Variants in TAFA5 observed in about 807,000 individuals in gnomAD.
The protein encoded by TAFA5 is chemokine-like protein TAFA-5.
TAFA5 carries 6 observed loss-of-function variants against 15.3 expected under a neutral mutation model. The ratio of observed to expected loss-of-function variants is 0.39; its 90% CI spans 0.21 to 0.77. The LOEUF (loss-of-function observed/expected upper bound fraction) is 0.77. TAFA5 is among the 30% of genes least tolerant of loss of function. The pLI is 0.41. For synonymous variants in TAFA5, 103 were observed against 80.7 expected (o/e 1.28, Z -1.48); for missense variants, 161 against 193.1 (o/e 0.83, Z 0.98).
chr22:48,526,009 G>A (rs1171986593), intron 1 of TAFA5, among the ~76,000 whole-genome samples: 1 of 152,238 alleles, frequency 6.6e-6, no homozygotes, highest in Non-Finnish European at 1.5e-5. Flanking sequence ...TGGAGAATGT[G>A]TACTGGGCAC....
chr22:48,570,089 C>T (rs1601585290), intron 1 of TAFA5, among the ~76,000 whole-genome samples: 1 of 152,318 alleles, frequency 6.6e-6, no homozygotes, highest in African/African-American at 2.4e-5. Context: ...CTGGCAGGGC[C>T]CTCCCATGCT....
intron 1 of TAFA5, among the ~76,000 whole-genome samples, chr22:48,562,368 G>T (rs1347104710): frequency 6.6e-6 from 1 of 152,176 alleles, no homozygotes; most frequent in East Asian, 1.9e-4. Context: ...TCGATCTCCT[G>T]ACCTCGCGAT....
intron 1 of TAFA5, among the ~76,000 whole-genome samples, chr22:48,513,536 C>T (rs1307229346): frequency 6.6e-6 from 1 of 152,220 alleles, no homozygotes; most frequent in Non-Finnish European, 1.5e-5. Flanking sequence ...TGTGACCAGA[C>T]CCATTTCAAG....
At chr22:48,649,982 G>A (rs536135795) in intron 2 of TAFA5, among the ~76,000 whole-genome samples, 21 of 152,278 alleles carry the variant, frequency 1.4e-4, no homozygotes, top group African/African-American at 3.6e-4. Context: ...AATTAAAACC[G>A]TACTGTTTTC....
chr22:48,720,804 A>G (rs1929546260), intron 3 of TAFA5, among the ~76,000 whole-genome samples: 1 of 152,160 alleles, frequency 6.6e-6, no homozygotes, highest in Admixed American at 6.5e-5. Flanking sequence ...AGCACCTTCC[A>G]GGGCCTGGCT....
At chr22:48,696,331 C>T (rs80143603) in intron 2 of TAFA5, among the ~76,000 whole-genome samples, 2,577 of 152,298 alleles carry the variant, frequency 0.017, 67 homozygotes, top group African/African-American at 0.059. Context: ...CCTATCCTCC[C>T]TCCACTCTTC....
intron 1 of TAFA5, among the ~76,000 whole-genome samples, chr22:48,495,564 T>C (rs713946): frequency 0.41 from 61,621 of 151,902 alleles, 13,800 homozygotes; most frequent in African/African-American, 0.59. Flanking sequence ...CCTCCATCCT[T>C]GTTCTCCCTT....
chr22:48,647,972 A>G (rs1926924686), intron 2 of TAFA5, among the ~76,000 whole-genome samples: 1 of 152,166 alleles, frequency 6.6e-6, no homozygotes, highest in Admixed American at 6.5e-5. Flanking sequence ...GCGGCCCGGT[A>G]GGGGCAGAGG....
chr22:48,559,518 C>T (rs117625756), intron 1 of TAFA5, among the ~76,000 whole-genome samples: 2 of 152,264 alleles, frequency 1.3e-5, no homozygotes, highest in East Asian at 1.9e-4. Context: ...CTCTGAGAGG[C>T]GACATGGCTG....
intron 1 of TAFA5, among the ~76,000 whole-genome samples, chr22:48,637,460 G>A (rs973068298): frequency 1.3e-5 from 2 of 152,078 alleles, no homozygotes; most frequent in East Asian, 1.9e-4. Context: ...TCTTGGCCTC[G>A]GTCCACACTG....
At chr22:48,606,497 C>T (rs1908212936) in intron 1 of TAFA5, among the ~76,000 whole-genome samples, 1 of 152,206 alleles carries the variant, frequency 6.6e-6, no homozygotes, top group Admixed American at 6.5e-5. Flanking sequence ...ATCCAGAAAG[C>T]TGAAATACTG....
intron 1 of TAFA5, among the ~76,000 whole-genome samples, chr22:48,627,152 G>GT (rs1327170990): frequency 1.3e-5 from 2 of 152,266 alleles, no homozygotes; most frequent in East Asian, 3.8e-4. Context: ...CACCACGTAT[G>GT]TGTGTCTAAA....
intron 1 of TAFA5, among the ~76,000 whole-genome samples, chr22:48,589,794 A>G (rs968483720): frequency 2.0e-5 from 3 of 152,136 alleles, no homozygotes; most frequent in African/African-American, 7.2e-5. Flanking sequence ...AGAGGCAGGA[A>G]GGATCCTCCC....
chr22:48,606,179 C>A (rs1925187393), intron 1 of TAFA5, among the ~76,000 whole-genome samples: 1 of 152,302 alleles, frequency 6.6e-6, no homozygotes, highest in African/African-American at 2.4e-5. Context: ...CATTGAGTCC[C>A]TGTACCAAAC....
At chr22:48,692,695 G>A (rs28535526) in intron 2 of TAFA5, among the ~76,000 whole-genome samples, 10,968 of 152,308 alleles carry the variant, frequency 0.072, 966 homozygotes, top group African/African-American at 0.2. Flanking sequence ...GGGGAACTCC[G>A]CAGAGCTCTC....
chr22:48,578,705 G>A (rs769210188), intron 1 of TAFA5, among the ~76,000 whole-genome samples: 3 of 152,212 alleles, frequency 2.0e-5, no homozygotes, highest in Admixed American at 6.5e-5. Context: ...GTCCGGAAGC[G>A]GTGGCCTTCA....
intron 1 of TAFA5, among the ~76,000 whole-genome samples, chr22:48,597,347 C>T (rs1318383234): frequency 6.6e-6 from 1 of 150,990 alleles, no homozygotes; most frequent in Admixed American, 6.6e-5. Context: ...TGGGAGCCAC[C>T]TGCCACCCTC....
At chr22:48,674,742 C>A (rs554816160) in intron 2 of TAFA5, among the ~76,000 whole-genome samples, 1 of 152,096 alleles carries the variant, frequency 6.6e-6, no homozygotes, top group African/African-American at 2.4e-5. Context: ...TTAGCTTGCC[C>A]GTTGGGTCTG....
intron 1 of TAFA5, among the ~76,000 whole-genome samples, chr22:48,542,138 T>TGTGTGTG (rs1922409821): frequency 7.8e-6 from 1 of 128,596 alleles, no homozygotes; most frequent in African/African-American, 2.8e-5. Flanking sequence ...GTGATGTGTA[T>TGTGTGTG]GTGTGTGTGT....
Sources: gnomAD v4.1 joint callset for allele counts (sites outside exome capture counted in the v4.1 genomes callset) on GRCh38, gnomAD v4.1.1 for gene constraint, MANE v1.5 for transcripts, NCBI Gene and HGNC (gene_info 2026-07-23, HGNC 2026-07-21) for gene names.